The following ADGRB3 variants were observed in gnomAD, a reference collection of about 807,000 sequenced individuals.
ADGRB3 encodes brain-specific angiogenesis inhibitor 3.
A neutral mutation model predicts 193.4 loss-of-function variants in ADGRB3; 37 were observed. The ratio of observed to expected loss-of-function variants is 0.19; its 90% confidence interval spans 0.15 to 0.25. The LOEUF (loss-of-function observed/expected upper bound fraction) is 0.25, where lower values mean the gene tolerates loss of function less well. ADGRB3 is among the 10% of genes least tolerant of loss of function. The pLI is 1.00. For missense variants in ADGRB3, 1,637 were observed against 1,852.9 expected (o/e 0.88, Z 2.14); for synonymous variants, 690 against 644.2 (o/e 1.07, Z -1.08).
At chr6:68,875,496 T>TA (rs1765573958) in intron 3 of ADGRB3, among the ~76,000 whole-genome samples, 3 of 151,738 alleles carry the variant, frequency 2.0e-5, no homozygotes, top group African/African-American at 7.3e-5. Flanking sequence ...CATGCCTAGT[T>TA]AAAACTATAA....
intron 26 of ADGRB3, among the ~76,000 whole-genome samples, chr6:69,343,184 TC>T (rs1373556981): frequency 6.6e-6 from 1 of 151,510 alleles, no homozygotes; most frequent in Non-Finnish European, 1.5e-5. Context: ...CCTTTGTAAT[TC>T]TTTTTTTTTT....
At chr6:69,344,587 A>G (rs1253016136) in intron 26 of ADGRB3, among the ~76,000 whole-genome samples, 2 of 152,236 alleles carry the variant, frequency 1.3e-5, no homozygotes, top group Non-Finnish European at 2.9e-5. Context: ...AAATAACTAG[A>G]CAACAATATG....
At position 69,360,721 on chromosome 6, in the gene ADGRB3, A is replaced by G. The variant is rs1309507094; in HGVS notation, c.3596-148A>G. ...TGAGTAATCTCTCTGGACCATGTAC[A>G]AACAAATTGATATGTATTTTTTTTA... On this transcript the variant is annotated intron_variant, in intron 28 of 31. Transcript: ENST00000370598. 7.4e-6 allele frequency: 6 copies of G among 807,698 alleles called. No individual in the cohort carries two copies. The Admixed American group carries it at 1.9e-4, about 26-fold the overall frequency. The allele number at this position is 807,698 out of a possible 1,614,324, so 50.0% of individuals were successfully genotyped here.
chr6:68,656,039 G>T (rs1768482533), intron 3 of ADGRB3, among the ~76,000 whole-genome samples: 1 of 151,354 alleles, frequency 6.6e-6, no homozygotes, highest in Non-Finnish European at 1.5e-5. Context: ...TTTATGTCTT[G>T]GCCTGTATTG....
intron 15 of ADGRB3, among the ~76,000 whole-genome samples, chr6:69,062,193 T>C (rs942039924): frequency 6.6e-6 from 1 of 152,010 alleles, no homozygotes; most frequent in African/African-American, 2.4e-5. Flanking sequence ...ATTTTACATA[T>C]TTTGTGTGAA....
At chr6:69,246,319 AATT>A (rs759660136) in intron 20 of ADGRB3, among the ~76,000 whole-genome samples, 1 of 152,158 alleles carries the variant, frequency 6.6e-6, no homozygotes, top group Non-Finnish European at 1.5e-5. Flanking sequence ...ATTAAAATCT[AATT>A]TGTTGACTTG....
At chr6:69,276,145 C>G (rs80015556) in intron 20 of ADGRB3, among the ~76,000 whole-genome samples, 14 of 152,258 alleles carry the variant, frequency 9.2e-5, no homozygotes, top group South Asian at 2.1e-4. Context: ...CTTTGGATTG[C>G]AAAGAGGATT....
intron 11 of ADGRB3, among the ~76,000 whole-genome samples, chr6:68,996,845 A>T (rs1769397909): frequency 6.6e-6 from 1 of 152,186 alleles, no homozygotes; most frequent in Admixed American, 6.5e-5. Flanking sequence ...TGCAAATAAG[A>T]TTTCACATAG....
chr6:69,124,794 G>A (rs1050993448), intron 17 of ADGRB3, among the ~76,000 whole-genome samples: 4 of 152,100 alleles, frequency 2.6e-5, no homozygotes, highest in African/African-American at 9.7e-5. Context: ...TTAGAAAAAT[G>A]TGAAGTTCTT....
At position 69,324,855 on chromosome 6, in the gene ADGRB3, T is replaced by A; in HGVS notation, c.2815-17T>A. On this transcript the variant is annotated splice_polypyrimidine_tract_variant and intron_variant, in intron 20 of 31. Coordinates refer to ENST00000370598, the MANE Select transcript of ADGRB3 (RefSeq NM_001704.3). The stretch of plus-strand genomic sequence containing the variant: ...CCCAGGTTCAGTGTGAGTCTTTTTG[T>A]TTGTTTGTTTCCACAGAGTATCTGC... 6.2e-7 allele frequency: 1 copy of A among 1,612,618 alleles called. No individual in the cohort carries two copies. Among genetic ancestry groups the A allele is most frequent in the Non-Finnish European group, 8.5e-7 (1 of 1,179,200 alleles).
chr6:68,905,494 A>C (rs536216695), intron 3 of ADGRB3, among the ~76,000 whole-genome samples: 1 of 152,340 alleles, frequency 6.6e-6, no homozygotes, highest in South Asian at 2.1e-4. Context: ...AAATAGATGT[A>C]TTTTGTAGCA....
intron 8 of ADGRB3, among the ~76,000 whole-genome samples, chr6:68,964,458 T>C (rs1395446715): frequency 6.6e-6 from 1 of 152,132 alleles, no homozygotes; most frequent in East Asian, 1.9e-4. Context: ...CTCCAAATAC[T>C]ATCATTTCTA....
intron 8 of ADGRB3, among the ~76,000 whole-genome samples, chr6:68,973,852 T>G (rs1452443073): frequency 6.6e-6 from 1 of 152,204 alleles, no homozygotes; most frequent in Non-Finnish European, 1.5e-5. Flanking sequence ...AAGATGTCAC[T>G]TTTAACACAA....
rs1487280326 is a variant in ADGRB3 at position 69,222,258 on chromosome 6, G to T, written c.2481-11032G>T. Among the ~76,000 whole-genome samples, 4 of 152,188 alleles carry T rather than the reference G, an allele frequency of 2.6e-5. No homozygotes were observed. The East Asian group carries it at 7.7e-4, about 29-fold the overall frequency. On this transcript the variant is annotated intron_variant, in intron 17 of 31. Transcript: ENST00000370598. ...CGTGATAATATGTTGTATTTATATAGAACTTTCAATTTGTAGAGAAATTAT... is the reference window on the plus strand; with the variant it reads ...CGTGATAATATGTTGTATTTATATATAACTTTCAATTTGTAGAGAAATTAT...
chr6:68,900,359 A>G (rs1036950710), intron 3 of ADGRB3, among the ~76,000 whole-genome samples: 6 of 152,178 alleles, frequency 3.9e-5, no homozygotes, highest in East Asian at 1.9e-4. Context: ...TTCAAAGGCT[A>G]TAAGTAAATA....
rs35115621 is a variant in ADGRB3, at chr6:68,999,266, C to CTT, written c.1929+5319_1929+5320dup. On this transcript the variant is annotated intron_variant, in intron 11 of 31. Transcript: ENST00000370598. ...GCCATGTGGTATAGCTTTCCCTTTT[C>CTT]TTTTTTTTTTTTTTTTGAGATGGAG... 3.3e-3 allele frequency among the ~76,000 whole-genome samples: 436 copies of CTT among 133,118 alleles called. 5 individuals carry two copies. The highest frequency in any genetic ancestry group is 0.01 in the African/African-American group (368 of 36,318). The allele number at this position is 133,118 out of a possible 152,430, so 87.3% of individuals were successfully genotyped here.
chr6:69,176,178 A>G (rs1282627440), intron 17 of ADGRB3, among the ~76,000 whole-genome samples: 2 of 152,196 alleles, frequency 1.3e-5, no homozygotes, highest in Middle Eastern at 3.4e-3. Flanking sequence ...ACTATGTTGT[A>G]TAGGAGTGGT....
intron 24 of ADGRB3, among the ~76,000 whole-genome samples, chr6:69,333,409 C>G (rs1304476993): frequency 2.0e-5 from 3 of 151,996 alleles, no homozygotes; most frequent in Non-Finnish European, 4.4e-5. Context: ...CAAACCTAAA[C>G]AGGGCAAAAT....
intron 17 of ADGRB3, among the ~76,000 whole-genome samples, chr6:69,224,208 A>G (rs1582558082): frequency 6.6e-6 from 1 of 152,114 alleles, no homozygotes; most frequent in Non-Finnish European, 1.5e-5. Flanking sequence ...CATTAGAGTC[A>G]GGAAGTGAGC....
Sources: gnomAD v4.1 joint callset for allele counts (sites outside exome capture counted in the v4.1 genomes callset) on GRCh38, gnomAD v4.1.1 for gene constraint, MANE v1.5 for transcripts, NCBI Gene and HGNC (gene_info 2026-07-23, HGNC 2026-07-21) for gene names.